Variants in CCDC90B observed in about 807,000 individuals in gnomAD.
CCDC90B encodes the protein coiled-coil domain containing 90B.
A neutral mutation model predicts 37.0 loss-of-function variants in CCDC90B; 24 were observed. That is an observed-to-expected ratio of 0.65 (90% confidence interval 0.47 to 0.91). The LOEUF (loss-of-function observed/expected upper bound fraction) is 0.91. CCDC90B is among the 40% of genes least tolerant of loss of function. The pLI is 0.00. For synonymous variants in CCDC90B, 113 were observed against 101.1 expected, an observed-to-expected ratio of 1.12 and a Z score of -0.71; for missense variants, 319 against 299.0, an observed-to-expected ratio of 1.07 and a Z score of -0.49.
At chr11:83,284,423 T>A (rs561166122) in intron 1 of CCDC90B, among the ~76,000 whole-genome samples, 9 of 152,360 alleles carry the variant, frequency 5.9e-5, no homozygotes, top group Middle Eastern at 3.4e-3. Context: ...CTTCAGTGTA[T>A]AGCCAGTTAC....
intron 1 of CCDC90B, chr11:83,285,076 G>C (rs17144975): frequency 1.9e-6 from 2 of 1,054,156 alleles, no homozygotes; most frequent in East Asian, 7.7e-5. Flanking sequence ...TAACAATATG[G>C]AGTATAAATA....
At chr11:83,267,149 T>C in intron 7 of CCDC90B, 1 of 152,178 alleles carries the variant, frequency 6.6e-6, no homozygotes, top group Middle Eastern at 3.2e-3. Context: ...ACAACAAAGA[T>C]GGGGAAAAAC....
Position 83,261,842 on chromosome 11 carries a change from G to A in CCDC90B, c.*69C>T. ...GTAAATTTTTGCTGCAACTGACAAT[G>A]TTCAAAGTAAATCTCTCCCGGTTTG... On this transcript the variant is annotated 3_prime_UTR_variant, in exon 9 of 9. Coordinates refer to ENST00000529689, the MANE Select transcript of CCDC90B (RefSeq NM_021825.5). 2 of 1,164,992 alleles carry A rather than the reference G, an allele frequency of 1.7e-6. No homozygotes were observed. The highest frequency in any genetic ancestry group is 1.4e-5 in the South Asian group (1 of 73,192). The allele number at this position is 1,164,992 out of a possible 1,614,324, so 72.2% of individuals were successfully genotyped here.
chr11:83,266,810 C>G (rs906047178), intron 7 of CCDC90B: 5 of 152,302 alleles, frequency 3.3e-5, no homozygotes, highest in African/African-American at 1.2e-4. Flanking sequence ...TCAATTGGGT[C>G]CCTGACCCCT....
At chr11:83,262,681 C>T (rs1021335694) in intron 8 of CCDC90B, among the ~76,000 whole-genome samples, 2 of 152,128 alleles carry the variant, frequency 1.3e-5, no homozygotes, top group Admixed American at 6.5e-5. Context: ...AATAAAGACA[C>T]AAGAAATTAG....
intron 1 of CCDC90B, 130 bp from the exon 2 acceptor site, chr11:83,280,390 GTTAA>G: frequency 1.4e-6 from 1 of 722,534 alleles, no homozygotes; most frequent in East Asian, 2.6e-5. Context: ...TCTCACCCAA[GTTAA>G]TTGACTCCTC....
At chr11:83,285,826 C>A (rs2135683725) in intron 1 of CCDC90B, 47 bp downstream of exon 1, 2 of 1,572,288 alleles carry the variant, frequency 1.3e-6, no homozygotes, top group South Asian at 1.2e-5. Context: ...CGGGCATCGT[C>A]TCCCTAGAGA....
intron 1 of CCDC90B, among the ~76,000 whole-genome samples, chr11:83,284,725 A>T (rs1041087087): frequency 6.6e-6 from 1 of 152,270 alleles, no homozygotes; most frequent in African/African-American, 2.4e-5. Flanking sequence ...CTTTTATGTT[A>T]AAACATTAAC....
chr11:83,262,092 T>A, intron 8 of CCDC90B, 126 bp from the exon 9 acceptor site: 1 of 608,650 alleles, frequency 1.6e-6, no homozygotes, highest in Non-Finnish European at 2.8e-6. Flanking sequence ...CTATCCTATG[T>A]TTTTTATTCC....
At position 83,259,240 on chromosome 11, in the gene CCDC90B, A is replaced by G. The variant is rs1485919804; in HGVS notation, c.*2671T>C. The G allele has an allele frequency of 6.6e-6, 1 of 152,170 alleles. No homozygotes were observed. The highest frequency in any genetic ancestry group is 1.5e-5 in the Non-Finnish European group (1 of 68,032). The allele number at this position is 152,170 out of a possible 1,614,324, so 9.4% of individuals were successfully genotyped here. A position where few individuals can be genotyped will look rare whatever the true frequency, so the allele number is the denominator to read the frequency against. ...GAAGTGCAAGTGCTGGAATAGAGGT[A>G]TAGTTTTAAGGCATATAGAAACACA... On this transcript the variant is annotated 3_prime_UTR_variant, in exon 9 of 9. Transcript: ENST00000529689.
intron 3 of CCDC90B, 91 bp downstream of exon 3, chr11:83,278,635 C>G (rs1865186334): frequency 1.3e-6 from 1 of 782,264 alleles, no homozygotes; most frequent in Non-Finnish European, 2.1e-6. Context: ...AAGATATAAG[C>G]ATGTTTGGAA....
chr11:83,285,564 T>C, intron 1 of CCDC90B: 1 of 1,238,734 alleles, frequency 8.1e-7, no homozygotes, highest in African/African-American at 1.6e-5. Flanking sequence ...TTACGTTGGC[T>C]CCTGACGAGA....
rs1021991198 is a variant in CCDC90B at position 83,260,209 on chromosome 11, A to T, written c.*1702T>A. ...ATATTTTAAATCTTAACAAACCAAT[A>T]ATTTACTTGTTTATGTCTCTCTCCT... is the stretch of plus-strand genomic sequence containing the variant. On this transcript the variant is annotated 3_prime_UTR_variant, in exon 9 of 9. Coordinates refer to ENST00000529689, the MANE Select transcript of CCDC90B (RefSeq NM_021825.5). 14 of 152,136 alleles carry T rather than the reference A, an allele frequency of 9.2e-5. No individual in the cohort carries two copies. Among genetic ancestry groups the T allele is most frequent in the East Asian group, 7.7e-4 (4 of 5,196 alleles). The allele number at this position is 152,136 out of a possible 1,614,324, so 9.4% of individuals were successfully genotyped here. A position where few individuals can be genotyped will look rare whatever the true frequency, so the allele number is the denominator to read the frequency against.
chr11:83,285,882 G>C lies in CCDC90B; in HGVS notation c.91C>G (p.Leu31Val). Residue 31 changes from leucine to valine, a missense_variant, in exon 1 of 9, where the codon CTG becomes GTG. Leu to Val is a conservative substitution (Grantham distance 32). Coordinates refer to ENST00000529689, the MANE Select transcript of CCDC90B (RefSeq NM_021825.5). Reference protein sequence around the residue: ...SRPRGHFSPALRREFFTTTTK... With the variant: ...SRPRGHFSPAVRREFFTTTTK... ...CGACGCCTTGCCTCACCTCTCCGCA[G>C]GGCCGGCGAGAAATGCCCGCGGGGC... The C allele has an allele frequency of 6.2e-7, 1 of 1,612,506 alleles. No individual in the cohort carries two copies. Among genetic ancestry groups the C allele is most frequent in the Non-Finnish European group, 8.5e-7 (1 of 1,179,766 alleles).
rs962681235 is a variant in CCDC90B, at chr11:83,285,919, A to G, written c.54T>C (p.Arg18=). 5.0e-6 allele frequency: 8 copies of G among 1,613,522 alleles called. No homozygotes were observed. The highest frequency in any genetic ancestry group is 5.9e-6 in the Non-Finnish European group (7 of 1,179,896). Residue 18 remains arginine, a synonymous_variant, in exon 1 of 9, where the codon CGT becomes CGC. Coordinates refer to ENST00000529689, the MANE Select transcript of CCDC90B (RefSeq NM_021825.5). ...RLFLSQGRGD[R]WVSRPRGHFS... is the part of the protein sequence containing the mutation. ...AATGCCCGCGGGGCCTTGAAACCCAACGATCTCCTCTGCCTTGGGAGAGAA... is the reference window on the plus strand; with the variant it reads ...AATGCCCGCGGGGCCTTGAAACCCAGCGATCTCCTCTGCCTTGGGAGAGAA...
chr11:83,278,761 T>C lies in CCDC90B; in HGVS notation c.289A>G (p.Thr97Ala). Residue 97 changes from threonine (T) to alanine (A), a missense_variant, in exon 3 of 9, where the codon ACT (threonine) becomes GCT (alanine). Transcript: ENST00000529689. ...LTALSNVSLD[T>A]IYKEMVTQAQ... ...TGAGTGACCATCTCTTTATAGATAG[T>C]ATCCAGGCTGACATTTGATAAAGCA... The C allele has an allele frequency of 6.2e-7, 1 of 1,613,252 alleles. No individual in the cohort carries two copies. The highest frequency in any genetic ancestry group is 1.1e-5 in the South Asian group (1 of 91,052).
intron 7 of CCDC90B, chr11:83,266,822 T>C (rs1383866816): frequency 6.6e-6 from 1 of 152,312 alleles, no homozygotes; most frequent in Non-Finnish European, 1.5e-5. Flanking sequence ...CTGACCCCTG[T>C]GTAGCCTAAC....
chr11:83,270,106 C>A (rs969550320), intron 7 of CCDC90B, among the ~76,000 whole-genome samples: 7 of 152,164 alleles, frequency 4.6e-5, no homozygotes, highest in Admixed American at 4.6e-4. Context: ...ATTCAACAGC[C>A]CTTCATGCTA....
intron 8 of CCDC90B, among the ~76,000 whole-genome samples, chr11:83,263,482 T>A (rs936491630): frequency 2.0e-5 from 3 of 152,210 alleles, no homozygotes; most frequent in Non-Finnish European, 4.4e-5. Context: ...GTAAAATGCT[T>A]AGGTGAGCAT....
Sources: gnomAD v4.1 joint callset for allele counts (sites outside exome capture counted in the v4.1 genomes callset) on GRCh38, gnomAD v4.1.1 for gene constraint, MANE v1.5 for transcripts, NCBI Gene and HGNC (gene_info 2026-07-23, HGNC 2026-07-21) for gene names.